The following INTU variants were observed in gnomAD, a reference collection of about 807,000 sequenced individuals.
INTU encodes the protein protein inturned.
Under a neutral mutation model 100.5 loss-of-function variants are expected in INTU, and 68 were observed. That is an observed-to-expected ratio of 0.68 (90% CI 0.56 to 0.83). The LOEUF (loss-of-function observed/expected upper bound fraction) is 0.83. INTU is among the 40% of genes least tolerant of loss of function. The pLI is 0.00. For missense variants in INTU, 1,071 were observed against 1,114.7 expected (o/e 0.96, Z 0.56); for synonymous variants, 357 against 395.7 (o/e 0.90, Z 1.16).
intron 8 of INTU, among the ~76,000 whole-genome samples, chr4:127,695,504 G>A (rs573013913): frequency 1.3e-5 from 2 of 152,288 alleles, no homozygotes; most frequent in Non-Finnish European, 2.9e-5. Context: ...CTACTCAGGA[G>A]GCTGAGGTGG....
intron 13 of INTU, among the ~76,000 whole-genome samples, chr4:127,710,373 A>ATTATT (rs1434084454): frequency 1.3e-5 from 2 of 152,012 alleles, no homozygotes; most frequent in African/African-American, 4.8e-5. Context: ...TAATATATAA[A>ATTATT]ACATTTCATT....
rs939697292 is a variant in INTU, at chr4:127,643,769, A to T, written c.395A>T (p.Asn132Ile). 1.4e-5 allele frequency: 22 copies of T among 1,613,448 alleles called. No homozygotes were observed. In the Admixed American group the frequency reaches 3.7e-4, roughly 27 times the overall value. Reference sequence around the variant, plus strand: ...TTACCCAAGCGCTGCAATAAAAAAAATAGCAATGACAATGGACCAGTATCC... The same window carrying T: ...TTACCCAAGCGCTGCAATAAAAAAATTAGCAATGACAATGGACCAGTATCC... Reference protein sequence around the residue: ...RLLPKRCNKKNSNDNGPVSIL... With the variant: ...RLLPKRCNKKISNDNGPVSIL... The change falls in exon 2 of 16, where the codon AAT becomes ATT. Residue 132 changes from asparagine to isoleucine, a missense_variant. Physicochemically the swap from Asn to Ile is moderately radical, Grantham distance 149. Coordinates refer to ENST00000335251, the MANE Select transcript of INTU (RefSeq NM_015693.4).
At chr4:127,654,736 C>A (rs368616136) in intron 2 of INTU, among the ~76,000 whole-genome samples, 2 of 145,584 alleles carry the variant, frequency 1.4e-5, no homozygotes, top group Admixed American at 6.9e-5. Flanking sequence ...TCTTTGTGGC[C>A]TTCTCTGTAT....
At chr4:127,639,824 T>A (rs531380290) in intron 1 of INTU, among the ~76,000 whole-genome samples, 1 of 152,284 alleles carries the variant, frequency 6.6e-6, no homozygotes, top group African/African-American at 2.4e-5. Flanking sequence ...ATAATATTGT[T>A]AACTATAGTC....
At chr4:127,710,007 G>A (rs570265196) in intron 13 of INTU, among the ~76,000 whole-genome samples, 1 of 152,176 alleles carries the variant, frequency 6.6e-6, no homozygotes, top group Non-Finnish European at 1.5e-5. Context: ...GAACCCAAAA[G>A]TACCTTCACA....
intron 7 of INTU, chr4:127,687,262 C>G (rs1729869361): frequency 6.6e-6 from 1 of 152,482 alleles, no homozygotes. Context: ...CTGTGATAAG[C>G]CAGATCTGTT....
At chr4:127,703,940 C>A (rs1207469405) in intron 9 of INTU, among the ~76,000 whole-genome samples, 1 of 151,818 alleles carries the variant, frequency 6.6e-6, no homozygotes, top group East Asian at 1.9e-4. Flanking sequence ...AGTTTTTTGT[C>A]CTAAAAAGAT....
chr4:127,671,889 G>A (rs928938599), intron 5 of INTU, among the ~76,000 whole-genome samples: 1 of 152,024 alleles, frequency 6.6e-6, no homozygotes, highest in Non-Finnish European at 1.5e-5. Flanking sequence ...TATCTTAAGT[G>A]AAACAACTCA....
In INTU at chr4:127,716,372, A is replaced by C; in HGVS notation, c.2765A>C (p.His922Pro). Residue 922 changes from histidine to proline, a missense_variant, in exon 16 of 16, where the codon CAT (histidine) becomes CCT (proline). Coordinates refer to ENST00000335251, the MANE Select transcript of INTU (RefSeq NM_015693.4). ...CCTCAAGAACTTTATGTCTGTTTTCATGACTCAGTCACAGAAATTGCCATT... is the reference window on the plus strand; with the variant it reads ...CCTCAAGAACTTTATGTCTGTTTTCCTGACTCAGTCACAGAAATTGCCATT... ...PKPQELYVCF[H>P]DSVTEIAIEI... 1 of 1,591,616 alleles carries C rather than the reference A, an allele frequency of 6.3e-7. No homozygotes were observed. Among genetic ancestry groups the C allele is most frequent in the Non-Finnish European group, 8.6e-7 (1 of 1,169,174 alleles).
intron 6 of INTU, among the ~76,000 whole-genome samples, chr4:127,678,422 C>A (rs1729343195): frequency 6.6e-6 from 1 of 152,156 alleles, no homozygotes; most frequent in African/African-American, 2.4e-5. Context: ...ACCCTACAAG[C>A]CAGAAGAGAC....
At chr4:127,647,687 T>C (rs1727650263) in intron 2 of INTU, among the ~76,000 whole-genome samples, 1 of 152,170 alleles carries the variant, frequency 6.6e-6, no homozygotes, top group Non-Finnish European at 1.5e-5. Context: ...TATGAGTTTT[T>C]TTTCTTTTTG....
intron 9 of INTU, 133 bp from the exon 10 acceptor site, chr4:127,704,095 G>T: frequency 3.1e-6 from 2 of 655,622 alleles, no homozygotes; most frequent in South Asian, 4.4e-5. Context: ...CTGGTATATT[G>T]ATTTCTAAAG....
chr4:127,682,507 A>G (rs1010429376), intron 6 of INTU, among the ~76,000 whole-genome samples: 6 of 149,708 alleles, frequency 4.0e-5, no homozygotes, highest in African/African-American at 1.2e-4. Context: ...AAAAAACCAA[A>G]CACCGCATAT....
At chr4:127,650,035 TA>T (rs1380249566) in intron 2 of INTU, among the ~76,000 whole-genome samples, 1 of 152,196 alleles carries the variant, frequency 6.6e-6, no homozygotes, top group Non-Finnish European at 1.5e-5. Flanking sequence ...TCTTTTAAAG[TA>T]CACGGAAAAG....
At chr4:127,713,831 A>C in intron 14 of INTU, 105 bp from the exon 15 acceptor site, 1 of 712,882 alleles carries the variant, frequency 1.4e-6, no homozygotes. Flanking sequence ...ATGTCATTGC[A>C]GGCACTGAAG....
rs1011299935 is a variant in INTU at position 127,726,508 on chromosome 4, C to A, written c.*10072C>A. On this transcript the variant is annotated 3_prime_UTR_variant, in exon 16 of 16. Transcript: ENST00000335251. The stretch of plus-strand genomic sequence containing the variant: ...CAGCTAAATCATACCTGCTACTGTA[C>A]AAAATGTAGGGGAAAAGCTGAGAAA... 2.0e-5 allele frequency: 3 copies of A among 152,106 alleles called. No homozygotes were observed. Among genetic ancestry groups the A allele is most frequent in the African/African-American group, 7.2e-5 (3 of 41,420 alleles). 9.4% of individuals were successfully genotyped at this position (152,106 alleles called of 1,614,324 possible).
At chr4:127,686,809 A>G (rs1729848069) in intron 7 of INTU, 1 of 152,182 alleles carries the variant, frequency 6.6e-6, no homozygotes, top group African/African-American at 2.4e-5. Context: ...TTTTACTGCC[A>G]TACCTCCAGC....
At chr4:127,645,164 G>A (rs934083224) in intron 2 of INTU, among the ~76,000 whole-genome samples, 3 of 152,210 alleles carry the variant, frequency 2.0e-5, no homozygotes, top group Admixed American at 1.3e-4. Context: ...TTAAAATGTA[G>A]TGTTGATACT....
intron 1 of INTU, among the ~76,000 whole-genome samples, chr4:127,634,471 T>C (rs995864608): frequency 6.6e-6 from 1 of 152,228 alleles, no homozygotes; most frequent in African/African-American, 2.4e-5. Context: ...TGATACCTAA[T>C]GGGCCACCAT....
Sources: allele counts gnomAD v4.1 joint callset (sites outside exome capture counted in the v4.1 genomes callset), GRCh38; gene constraint gnomAD v4.1.1; transcripts MANE v1.5; gene names NCBI Gene and HGNC (gene_info 2026-07-23, HGNC 2026-07-21).